FUT9: variants seen among roughly 807,000 people sequenced by gnomAD.
FUT9 encodes fucosyltransferase 9.
FUT9 carries 15 observed loss-of-function variants against 29.7 expected under a neutral mutation model. The ratio of observed to expected loss-of-function variants is 0.51; its 90% CI spans 0.34 to 0.78. The LOEUF (loss-of-function observed/expected upper bound fraction) is 0.78. FUT9 is among the 30% of genes least tolerant of loss of function. The pLI is 0.01. For missense variants in FUT9, 319 were observed against 425.4 expected, an observed-to-expected ratio of 0.75 and a Z score of 2.20; for synonymous variants, 169 against 153.7, an observed-to-expected ratio of 1.10 and a Z score of -0.74.
chr6:96,133,903 T>C (rs1167849821), intron 2 of FUT9, among the ~76,000 whole-genome samples: 1 of 151,890 alleles, frequency 6.6e-6, no homozygotes, highest in Non-Finnish European at 1.5e-5. Flanking sequence ...AAGGATAGTT[T>C]CACTTTGTTT....
At chr6:96,191,027 T>C (rs1369510631) in intron 2 of FUT9, among the ~76,000 whole-genome samples, 1 of 152,162 alleles carries the variant, frequency 6.6e-6, no homozygotes, top group Non-Finnish European at 1.5e-5. Flanking sequence ...TTTTTCCCCA[T>C]CTTTGTGGTT....
intron 2 of FUT9, among the ~76,000 whole-genome samples, chr6:96,179,035 AC>A: frequency 6.6e-6 from 1 of 152,104 alleles, no homozygotes; most frequent in East Asian, 1.9e-4. Flanking sequence ...CTTATTTTAT[AC>A]CACAAGAAGC....
chr6:96,100,230 A>AACACACAC (rs36064811), intron 1 of FUT9, among the ~76,000 whole-genome samples: 1 of 148,790 alleles, frequency 6.7e-6, no homozygotes, highest in African/African-American at 2.5e-5. Flanking sequence ...CACACACACC[A>AACACACAC]ACACACACAC....
At position 96,214,577 on chromosome 6, in the gene FUT9, G is replaced by C. The variant is rs1340442852; in HGVS notation, c.*10342G>C. 6.0e-6 allele frequency: 1 copy of C among 166,706 alleles called. No homozygotes were observed. Among genetic ancestry groups the C allele is most frequent in the Non-Finnish European group, 1.5e-5 (1 of 68,038 alleles). 10.3% of individuals were successfully genotyped at this position (166,706 alleles called of 1,614,324 possible). ...ACAAAAATTATTCCATTTAATGAAG[G>C]GTTTGTTTTGTTTAGCTTTTCTCTT... On this transcript the variant is annotated 3_prime_UTR_variant, in exon 3 of 3. Coordinates refer to ENST00000302103, the MANE Select transcript of FUT9 (RefSeq NM_006581.4).
Position 96,211,949 on chromosome 6 carries a change from C to T in FUT9, c.*7714C>T. ...GTAAGTAAAGTAAGTTAAGTTATAG[C>T]TTGCTGGAATTTTATTGTGGAAAAC... is the stretch of plus-strand genomic sequence containing the variant. On this transcript the variant is annotated 3_prime_UTR_variant, in exon 3 of 3. Coordinates refer to ENST00000302103, the MANE Select transcript of FUT9 (RefSeq NM_006581.4). 1 of 408,740 alleles carries T rather than the reference C, an allele frequency of 2.4e-6. No individual in the cohort carries two copies. Among genetic ancestry groups the T allele is most frequent in the Admixed American group, 4.4e-5 (1 of 22,670 alleles). The allele number at this position is 408,740 out of a possible 1,614,324, so 25.3% of individuals were successfully genotyped here.
intron 2 of FUT9, among the ~76,000 whole-genome samples, chr6:96,145,903 T>G (rs899815232): frequency 1.3e-5 from 2 of 151,854 alleles, no homozygotes; most frequent in Admixed American, 1.3e-4. Context: ...TCTCACTCTG[T>G]CATCCAGGCT....
At chr6:96,175,610 G>C (rs1773189511) in intron 2 of FUT9, among the ~76,000 whole-genome samples, 1 of 152,096 alleles carries the variant, frequency 6.6e-6, no homozygotes, top group Non-Finnish European at 1.5e-5. Flanking sequence ...AGAGTTTCTT[G>C]TTTAAAACTA....
chr6:96,168,690 A>T (rs11156259), intron 2 of FUT9, among the ~76,000 whole-genome samples: 22,380 of 152,152 alleles, frequency 0.15, 1,833 homozygotes, highest in Non-Finnish European at 0.18. Flanking sequence ...TAGTTCAGAG[A>T]GTTTTGCTGC....
intron 2 of FUT9, among the ~76,000 whole-genome samples, chr6:96,122,569 G>T (rs966351626): frequency 6.6e-6 from 1 of 152,058 alleles, no homozygotes; most frequent in Non-Finnish European, 1.5e-5. Context: ...TTTGTAATCA[G>T]TGTCAAATCA....
chr6:96,071,957 T>A (rs1199804417), intron 1 of FUT9, among the ~76,000 whole-genome samples: 4 of 152,142 alleles, frequency 2.6e-5, no homozygotes, highest in Non-Finnish European at 5.9e-5. Flanking sequence ...ATTTTATTTA[T>A]TGTGACTATT....
intron 1 of FUT9, among the ~76,000 whole-genome samples, chr6:96,055,947 A>G (rs922861497): frequency 2.0e-5 from 3 of 151,986 alleles, no homozygotes; most frequent in Non-Finnish European, 4.4e-5. Context: ...TCTATGTTGA[A>G]ACAATTTATC....
chr6:96,109,879 C>T (rs1771764584), intron 1 of FUT9, among the ~76,000 whole-genome samples: 1 of 152,126 alleles, frequency 6.6e-6, no homozygotes, highest in African/African-American at 2.4e-5. Context: ...TGCTGCCTGG[C>T]TGTCTTACCC....
In FUT9 at chr6:96,203,417, A is replaced by C. The variant is rs769594295; in HGVS notation, c.262A>C (p.Ile88Leu). 1 of 1,609,392 alleles carries C rather than the reference A, an allele frequency of 6.2e-7. No homozygotes were observed. Reference sequence around the variant, plus strand: ...TACATCCTGCCAAGCAATGTTCAACATCCAAGGATGCCATCTCACAACGGA... The same window carrying C: ...TACATCCTGCCAAGCAATGTTCAACCTCCAAGGATGCCATCTCACAACGGA... ...DLTSCQAMFN[I>L]QGCHLTTDRS... The change falls in exon 3 of 3, where the codon ATC (isoleucine) becomes CTC (leucine). Residue 88 changes from isoleucine to leucine, a missense_variant. By Grantham distance (5) the Ile-to-Leu change is conservative. Coordinates refer to ENST00000302103, the MANE Select transcript of FUT9 (RefSeq NM_006581.4).
chr6:96,155,987 T>C (rs903730133), intron 2 of FUT9, among the ~76,000 whole-genome samples: 2 of 152,202 alleles, frequency 1.3e-5, no homozygotes, highest in African/African-American at 2.4e-5. Flanking sequence ...TTGGAGGTTA[T>C]AAAACCAACT....
intron 2 of FUT9, among the ~76,000 whole-genome samples, chr6:96,155,271 G>C (rs1772758259): frequency 6.6e-6 from 1 of 152,148 alleles, no homozygotes; most frequent in Non-Finnish European, 1.5e-5. Context: ...ATTGTAAAAG[G>C]TCTTTCTTGT....
chr6:96,193,591 T>C (rs1222795993), intron 2 of FUT9, among the ~76,000 whole-genome samples: 1 of 151,942 alleles, frequency 6.6e-6, no homozygotes, highest in African/African-American at 2.4e-5. Context: ...AGGAACACTT[T>C]TACACTGTTG....
intron 2 of FUT9, among the ~76,000 whole-genome samples, chr6:96,136,233 A>C (rs1772347586): frequency 6.6e-6 from 1 of 151,870 alleles, no homozygotes; most frequent in Non-Finnish European, 1.5e-5. Flanking sequence ...ACCAAGAGTA[A>C]TTAGAAAGTC....
At chr6:96,043,140 CT>C (rs1408124639) in intron 1 of FUT9, among the ~76,000 whole-genome samples, 1 of 152,176 alleles carries the variant, frequency 6.6e-6, no homozygotes, top group Non-Finnish European at 1.5e-5. Context: ...CAAGCTCCGC[CT>C]CCCGGGTTCA....
intron 1 of FUT9, 120 bp downstream of exon 1, chr6:96,016,332 TC>T: frequency 6.6e-6 from 1 of 152,330 alleles, no homozygotes; most frequent in Non-Finnish European, 1.5e-5. Context: ...AGGCAGAGGG[TC>T]CAGGGAGGGT....
Sources: gnomAD v4.1 joint callset for allele counts (sites outside exome capture counted in the v4.1 genomes callset) on GRCh38, gnomAD v4.1.1 for gene constraint, MANE v1.5 for transcripts, NCBI Gene and HGNC (gene_info 2026-07-23, HGNC 2026-07-21) for gene names.